Variants in SLC16A14 observed in about 807,000 individuals in gnomAD.
SLC16A14 encodes monocarboxylate transporter 14.
Under a neutral mutation model 35.8 loss-of-function variants are expected in SLC16A14, and 14 were observed. That is an observed-to-expected ratio of 0.39 (90% CI 0.26 to 0.61). SLC16A14 has a LOEUF of 0.61. SLC16A14 is among the 20% of genes least tolerant of loss of function. The probability of loss-of-function intolerance (pLI) is 0.51; values close to 1 mark genes in which losing one functional copy is unlikely to be tolerated. For synonymous variants in SLC16A14, 248 were observed against 258.9 expected, an observed-to-expected ratio of 0.96 and a Z score of 0.40; for missense variants, 533 against 655.0, an observed-to-expected ratio of 0.81 and a Z score of 2.03.
Position 230,037,137 on chromosome 2 carries a change from C to G in SLC16A14, c.*243G>C. The G allele has an allele frequency of 3.6e-6, 1 of 277,902 alleles. No homozygotes were observed. Among genetic ancestry groups the G allele is most frequent in the Admixed American group, 5.2e-5 (1 of 19,280 alleles). The allele number at this position is 277,902 out of a possible 1,614,324, so 17.2% of individuals were successfully genotyped here. On this transcript the variant is annotated 3_prime_UTR_variant, in exon 5 of 5. Transcript: ENST00000295190. ...GCATTTCTACCAATTACTTACTAGG[C>G]TGTCTTTGAACAACACTGTCATCTC...
chr2:230,037,535 C>CAAAA lies in SLC16A14; in HGVS notation c.1382-8_1382-5dup. The CAAAA allele has an allele frequency of 1.9e-6, 3 of 1,583,770 alleles. No homozygotes were observed. Among genetic ancestry groups the CAAAA allele is most frequent in the Admixed American group, 3.9e-5 (2 of 51,746 alleles). ...TGCGTGATGTCATAGATCCACCCTA[C>CAAAA]AAAACAAAAAAGAATATATTCAGTG... is the stretch of plus-strand genomic sequence containing the variant. On this transcript the variant is annotated splice_polypyrimidine_tract_variant and splice_region_variant and intron_variant, in intron 4 of 4. Coordinates refer to ENST00000295190, the MANE Select transcript of SLC16A14 (RefSeq NM_152527.5).
In SLC16A14 at chr2:230,046,140, C is replaced by T. The variant is rs1162133558; in HGVS notation, c.986G>A (p.Ser329Asn). Residue 329 changes from serine to asparagine, a missense_variant, in exon 4 of 5, where the codon AGC (serine) becomes AAC (asparagine). Coordinates refer to ENST00000295190, the MANE Select transcript of SLC16A14 (RefSeq NM_152527.5). This position sits in a 1 kb window ranked among gnomAD's most constrained non-coding sequence, Gnocchi z 5.0. ...FIFWALFAYSSFVIPFIHLPE... is the reference protein window; with the variant it reads ...FIFWALFAYSNFVIPFIHLPE... ...GAGGTGAATGAAGGGGATGACAAAG[C>T]TGCTGTATGCAAACAAAGCCCAGAA... 14 of 1,613,732 alleles carry T rather than the reference C, an allele frequency of 8.7e-6. No homozygotes were observed. Among genetic ancestry groups the T allele is most frequent in the Non-Finnish European group, 1.2e-5 (14 of 1,179,714 alleles).
chr2:230,056,879 TA>T (rs60620443), intron 2 of SLC16A14, among the ~76,000 whole-genome samples: 3,407 of 95,496 alleles, frequency 0.036, 81 homozygotes, highest in African/African-American at 0.068. Flanking sequence ...CTACAAAAAG[TA>T]AAAAAAAAAA....
chr2:230,059,535 C>G (rs2077734686), intron 1 of SLC16A14, among the ~76,000 whole-genome samples, 169 bp from the exon 2 acceptor site: 2 of 152,188 alleles, frequency 1.3e-5, no homozygotes, highest in Non-Finnish European at 2.9e-5. Context: ...CTTACTGTTT[C>G]CCAGGAGCAA....
chr2:230,048,646 G>A (rs148165908), intron 3 of SLC16A14, among the ~76,000 whole-genome samples: 243 of 152,086 alleles, frequency 1.6e-3, no homozygotes, highest in African/African-American at 5.0e-3. Flanking sequence ...TTATAAGGCC[G>A]GGTGCTGTGG....
intron 1 of SLC16A14, among the ~76,000 whole-genome samples, chr2:230,064,364 G>A (rs2077775611): frequency 6.6e-6 from 1 of 151,930 alleles, no homozygotes. Context: ...CCTTCCCAAT[G>A]TCTGAGCCTG....
intron 3 of SLC16A14, among the ~76,000 whole-genome samples, chr2:230,048,774 T>C (rs2077629688): frequency 6.6e-6 from 1 of 151,602 alleles, no homozygotes; most frequent in South Asian, 2.1e-4. Flanking sequence ...AAATACAAAA[T>C]TAGCTGGGCA....
intron 1 of SLC16A14, among the ~76,000 whole-genome samples, chr2:230,064,481 A>T (rs1184830201): frequency 1.3e-5 from 2 of 152,300 alleles, no homozygotes; most frequent in Non-Finnish European, 2.9e-5. Context: ...AGGGTTCAGA[A>T]GGGATGGTTG....
chr2:230,067,550 CT>C (rs1315730808), intron 1 of SLC16A14, among the ~76,000 whole-genome samples: 26 of 90,026 alleles, frequency 2.9e-4, no homozygotes, highest in African/African-American at 9.0e-4. Context: ...CTCTCTCTCT[CT>C]CTCTCTCTCT....
chr2:230,045,719 A>G, intron 4 of SLC16A14, 26 bp downstream of exon 4: 1 of 1,613,960 alleles, frequency 6.2e-7, no homozygotes, highest in Non-Finnish European at 8.5e-7. Context: ...ATGCACTCTG[A>G]GCTCTTAAAA....
chr2:230,043,784 T>C (rs1047373455), intron 4 of SLC16A14, among the ~76,000 whole-genome samples: 1 of 152,256 alleles, frequency 6.6e-6, no homozygotes, highest in Non-Finnish European at 1.5e-5. Context: ...CCTCGTTATC[T>C]TCACACAGTA....
rs745741212 is a variant in SLC16A14 at position 230,038,707 on chromosome 2, C to T, written c.1382-1176G>A. Among the ~76,000 whole-genome samples, 1 of 152,050 alleles carries T rather than the reference C, an allele frequency of 6.6e-6. No homozygotes were observed. The highest frequency in any genetic ancestry group is 1.5e-5 in the Non-Finnish European group (1 of 68,008). On this transcript the variant is annotated intron_variant, in intron 4 of 4. Coordinates refer to ENST00000295190, the MANE Select transcript of SLC16A14 (RefSeq NM_152527.5). The surrounding 1 kb of genome is among the most constrained non-coding windows in gnomAD (Gnocchi z 4.4). ...ATCACATGAAGCCAGGAGTTCGAGACCAGCCTGGCCAACATGGCAAAACCC... is the reference window on the plus strand; with the variant it reads ...ATCACATGAAGCCAGGAGTTCGAGATCAGCCTGGCCAACATGGCAAAACCC...
At chr2:230,057,130 C>T (rs1181534979) in intron 2 of SLC16A14, among the ~76,000 whole-genome samples, 2 of 151,948 alleles carry the variant, frequency 1.3e-5, no homozygotes, top group Admixed American at 1.3e-4. Context: ...TGGCTTTCAC[C>T]TTTAAGTGAA....
chr2:230,059,085 T>C lies in SLC16A14; in HGVS notation c.259+9A>G. On this transcript the variant is annotated intron_variant, in intron 2 of 4. Transcript: ENST00000295190. Reference sequence around the variant, plus strand: ...ATTCAGTTTTACGACAGGTCACACATGAACATACCCACTATCAAGGTGATG... The same window carrying C: ...ATTCAGTTTTACGACAGGTCACACACGAACATACCCACTATCAAGGTGATG... 6.3e-7 allele frequency: 1 copy of C among 1,598,072 alleles called. No homozygotes were observed. The highest frequency in any genetic ancestry group is 8.5e-7 in the Non-Finnish European group (1 of 1,171,714).
At chr2:230,065,032 G>GA (rs2077782342) in intron 1 of SLC16A14, among the ~76,000 whole-genome samples, 1 of 152,094 alleles carries the variant, frequency 6.6e-6, no homozygotes, top group Non-Finnish European at 1.5e-5. Flanking sequence ...ACAACAACAG[G>GA]AAAAAGTTAT....
chr2:230,059,121 G>A lies in SLC16A14; in HGVS notation c.232C>T (p.Leu78Phe), dbSNP rs757003446. 1.9e-6 allele frequency: 3 copies of A among 1,613,522 alleles called. No homozygotes were observed. The highest frequency in any genetic ancestry group is 1.1e-5 in the South Asian group (1 of 90,976). ...SRGLTAWVSS[L>F]SMGITLIVGP... The stretch of plus-strand genomic sequence containing the variant: ...ACTATCAAGGTGATGCCCATGCTGA[G>A]GGAGCTGACCCAGGCGGTCAGGCCG... Residue 78 changes from leucine to phenylalanine, a missense_variant, in exon 2 of 5, where the codon CTC (leucine) becomes TTC (phenylalanine). Leu to Phe is a conservative substitution (Grantham distance 22). Transcript: ENST00000295190.
chr2:230,048,935 A>AC (rs1560475152), intron 3 of SLC16A14, among the ~76,000 whole-genome samples: 1 of 131,886 alleles, frequency 7.6e-6, no homozygotes, highest in Non-Finnish European at 1.6e-5. Flanking sequence ...AAAAAAAAAA[A>AC]AAAAAAAAAA....
chr2:230,057,250 A>G (rs1047849452), intron 2 of SLC16A14, among the ~76,000 whole-genome samples: 1 of 152,230 alleles, frequency 6.6e-6, no homozygotes, highest in African/African-American at 2.4e-5. Context: ...ATAGATGCTT[A>G]TTCAATATTA....
intron 1 of SLC16A14, among the ~76,000 whole-genome samples, chr2:230,067,546 CT>C (rs2106286396): frequency 2.0e-5 from 1 of 49,642 alleles, no homozygotes; most frequent in Non-Finnish European, 4.9e-5. Flanking sequence ...CTCTCTCTCT[CT>C]CTCTCTCTCT....
Sources: gnomAD v4.1 joint callset for allele counts (sites outside exome capture counted in the v4.1 genomes callset) on GRCh38, gnomAD v4.1.1 for gene constraint, Gnocchi (gnomAD v3.1) non-coding constraint, MANE v1.5 for transcripts, NCBI Gene and HGNC (gene_info 2026-07-23, HGNC 2026-07-21) for gene names.